Variants in NOVA1 observed in about 807,000 individuals in gnomAD.
The protein encoded by NOVA1 is RNA-binding protein Nova-1.
A neutral mutation model predicts 38.0 loss-of-function variants in NOVA1; 7 were observed. The observed-to-expected ratio is 0.18, with a 90% CI of 0.10 to 0.35. NOVA1 has a LOEUF of 0.35. NOVA1 is among the 10% of genes least tolerant of loss of function. NOVA1 has a pLI of 1.00. For synonymous variants in NOVA1, 270 were observed against 232.5 expected (o/e 1.16, Z -1.47); for missense variants, 460 against 616.0 (o/e 0.75, Z 2.68).
chr14:26,457,319 G>A (rs1883266762), intron 4 of NOVA1, among the ~76,000 whole-genome samples: 1 of 152,042 alleles, frequency 6.6e-6, no homozygotes, highest in Non-Finnish European at 1.5e-5. Context: ...TAAGATCTCT[G>A]TTTTCATAGG....
chr14:26,466,190 G>A (rs189554706), intron 4 of NOVA1, among the ~76,000 whole-genome samples: 1 of 152,290 alleles, frequency 6.6e-6, no homozygotes. Context: ...ATGTGGTTGG[G>A]CCAACATGAG....
At chr14:26,549,799 G>A (rs1327063855) in intron 2 of NOVA1, 1 of 1,242,226 alleles carries the variant, frequency 8.1e-7, no homozygotes, top group African/African-American at 1.5e-5. Context: ...AAAGTGCGCT[G>A]TTAAACAGTT....
At chr14:26,549,849 G>A in intron 2 of NOVA1, 2 of 693,062 alleles carry the variant, frequency 2.9e-6, no homozygotes, top group South Asian at 1.5e-5. Context: ...TTCGGTGGTG[G>A]GTGAAGTGAC....
intron 2 of NOVA1, among the ~76,000 whole-genome samples, chr14:26,572,570 G>A (rs1352907741): frequency 6.6e-6 from 1 of 152,100 alleles, no homozygotes. Flanking sequence ...TTATAGTCTA[G>A]TGAGCTAGAA....
At position 26,597,337 on chromosome 14, in the gene NOVA1, G is replaced by C. The variant is rs199939088; in HGVS notation, c.100C>G (p.Pro34Ala). The change falls in exon 1 of 5, where the codon CCT (proline) becomes GCT (alanine). Residue 34 changes from proline (P) to alanine (A), a missense_variant. By Grantham distance (27) the Pro-to-Ala change is conservative. Coordinates refer to ENST00000539517, the MANE Select transcript of NOVA1 (RefSeq NM_002515.3). ...DSRKRPLEAP[P>A]EAGSTKRTNT... ...GTCCTCTTGGTGCTGCCGGCTTCAG[G>C]GGGGGCTTCCAGCGGCCTTTTCCGC... The C allele has an allele frequency of 7.9e-7, 1 of 1,262,226 alleles. No individual in the cohort carries two copies. The allele number at this position is 1,262,226 out of a possible 1,614,324, so 78.2% of individuals were successfully genotyped here.
intron 2 of NOVA1, among the ~76,000 whole-genome samples, chr14:26,518,623 C>T (rs1420952866): frequency 6.6e-6 from 1 of 152,072 alleles, no homozygotes; most frequent in African/African-American, 2.4e-5. Context: ...TAGCATATCA[C>T]TTCACACATT....
At chr14:26,575,574 C>T (rs1205792910) in intron 2 of NOVA1, among the ~76,000 whole-genome samples, 1 of 151,962 alleles carries the variant, frequency 6.6e-6, no homozygotes, top group Non-Finnish European at 1.5e-5. Flanking sequence ...TCCTTATAAT[C>T]CAGGAAGCCA....
intron 2 of NOVA1, among the ~76,000 whole-genome samples, chr14:26,592,083 G>A (rs1893884732): frequency 6.6e-6 from 1 of 151,048 alleles, no homozygotes; most frequent in Non-Finnish European, 1.5e-5. Flanking sequence ...AAAATCTAAG[G>A]AATACACGAA....
At chr14:26,488,362 C>G (rs891521712) in intron 2 of NOVA1, among the ~76,000 whole-genome samples, 2 of 152,072 alleles carry the variant, frequency 1.3e-5, no homozygotes, top group Non-Finnish European at 2.9e-5. Flanking sequence ...AGATGTTGTC[C>G]AGCTTGTCGT....
chr14:26,557,046 T>C (rs898641489), intron 2 of NOVA1, among the ~76,000 whole-genome samples: 1 of 152,130 alleles, frequency 6.6e-6, no homozygotes, highest in East Asian at 1.9e-4. Flanking sequence ...TCCCATGGCA[T>C]TCTCTCTGCA....
Position 26,550,090 on chromosome 14 carries a change from C to T in NOVA1, c.280+45320G>A, listed in dbSNP as rs184933134. On this transcript the variant is annotated intron_variant, in intron 2 of 4. Coordinates refer to ENST00000539517, the MANE Select transcript of NOVA1 (RefSeq NM_002515.3). ...AATAACAATAAACCAAATGTTAAAACGTATATGTTAAAAAATAAAACCCAA... is the reference window on the plus strand; with the variant it reads ...AATAACAATAAACCAAATGTTAAAATGTATATGTTAAAAAATAAAACCCAA... Among the ~76,000 whole-genome samples, 46 of 152,144 alleles carry T rather than the reference C, an allele frequency of 3.0e-4. No individual in the cohort carries two copies. In the East Asian group the frequency reaches 8.3e-3, roughly 27 times the overall value.
rs1255527417 is a variant in NOVA1 at position 26,443,146 on chromosome 14, C to T, written c.*4813G>A. The T allele has an allele frequency of 1.3e-5, 2 of 151,990 alleles. No homozygotes were observed. Among genetic ancestry groups the T allele is most frequent in the Non-Finnish European group, 2.9e-5 (2 of 67,902 alleles). 9.4% of individuals were successfully genotyped at this position (151,990 alleles called of 1,614,324 possible). A position where few individuals can be genotyped will look rare whatever the true frequency, so the allele number is the denominator to read the frequency against. ...GAGAAACAAATACAAATATGCATTTCTACAGAACTGTTTTAATTTTCCAAA... is the reference window on the plus strand; with the variant it reads ...GAGAAACAAATACAAATATGCATTTTTACAGAACTGTTTTAATTTTCCAAA... On this transcript the variant is annotated 3_prime_UTR_variant, in exon 5 of 5. Coordinates refer to ENST00000539517, the MANE Select transcript of NOVA1 (RefSeq NM_002515.3).
At chr14:26,535,080 T>C (rs752648288) in intron 2 of NOVA1, among the ~76,000 whole-genome samples, 17 of 152,168 alleles carry the variant, frequency 1.1e-4, no homozygotes, top group Admixed American at 2.0e-4. Flanking sequence ...AGGAAACTAA[T>C]AGACTACAGA....
intron 2 of NOVA1, among the ~76,000 whole-genome samples, chr14:26,553,854 A>G (rs765351221): frequency 1.3e-5 from 2 of 152,184 alleles, no homozygotes; most frequent in Middle Eastern, 3.4e-3. Context: ...GTCCTCATAG[A>G]AGGAGGACTA....
intron 2 of NOVA1, among the ~76,000 whole-genome samples, chr14:26,506,367 C>G (rs1442211087): frequency 6.6e-6 from 1 of 152,158 alleles, no homozygotes; most frequent in African/African-American, 2.4e-5. Context: ...GTAAATTCAA[C>G]CCTAGTAAGA....
chr14:26,522,586 G>C (rs1184970485), intron 2 of NOVA1, among the ~76,000 whole-genome samples: 1 of 151,862 alleles, frequency 6.6e-6, no homozygotes, highest in African/African-American at 2.4e-5. Flanking sequence ...AGTCAGATTC[G>C]TTATTTTCAT....
chr14:26,575,153 A>C (rs1011737560), intron 2 of NOVA1, among the ~76,000 whole-genome samples: 1 of 152,234 alleles, frequency 6.6e-6, no homozygotes, highest in African/African-American at 2.4e-5. Context: ...AATTTAAGAT[A>C]AATAAAAGTT....
chr14:26,540,957 G>C (rs1019773132), intron 2 of NOVA1, among the ~76,000 whole-genome samples: 27 of 152,082 alleles, frequency 1.8e-4, no homozygotes, highest in Admixed American at 1.7e-3. Context: ...TAATGAGCTA[G>C]AGTTTTATCA....
intron 2 of NOVA1, among the ~76,000 whole-genome samples, chr14:26,524,277 CA>C (rs1889138412): frequency 6.6e-6 from 1 of 152,046 alleles, no homozygotes; most frequent in Non-Finnish European, 1.5e-5. Context: ...CCTGCGGGAT[CA>C]AATATCTTTG....
Sources: allele counts gnomAD v4.1 joint callset (sites outside exome capture counted in the v4.1 genomes callset), GRCh38; gene constraint gnomAD v4.1.1; transcripts MANE v1.5; gene names NCBI Gene and HGNC (gene_info 2026-07-23, HGNC 2026-07-21).